C7: variants seen among roughly 807,000 people sequenced by gnomAD.
C7 encodes complement C7, also known as complement component C7.
Under a neutral mutation model 104.8 loss-of-function variants are expected in C7, and 83 were observed. The observed-to-expected ratio is 0.79, with a 90% CI of 0.66 to 0.95. C7 has a LOEUF of 0.95. Ranked by LOEUF, C7 falls within the 40% of genes least tolerant of loss-of-function variation. The pLI is 0.00. For synonymous variants in C7, 415 were observed against 360.6 expected (o/e 1.15, Z -1.71); for missense variants, 1,070 against 1,011.2 (o/e 1.06, Z -0.79).
chr5:40,982,741 C>T lies in C7; in HGVS notation c.*1168C>T, dbSNP rs1448513737. 6.6e-6 allele frequency: 1 copy of T among 152,260 alleles called. No homozygotes were observed. Among genetic ancestry groups the T allele is most frequent in the Non-Finnish European group, 1.5e-5 (1 of 68,032 alleles). The allele number at this position is 152,260 out of a possible 1,614,324, so 9.4% of individuals were successfully genotyped here. A position where few individuals can be genotyped will look rare whatever the true frequency, so the allele number is the denominator to read the frequency against. On this transcript the variant is annotated 3_prime_UTR_variant, in exon 18 of 18. Transcript: ENST00000313164. ...CAGGTAGATTAGTTTGAAGCATTGA[C>T]CTTTTATTTATTCCTTATTTCTCTT...
intron 13 of C7, 98 bp from the exon 14 acceptor site, chr5:40,964,643 T>C: frequency 9.5e-7 from 1 of 1,057,782 alleles, no homozygotes; most frequent in South Asian, 1.5e-5. Context: ...GTAGCTTGCC[T>C]GATGATTATG....
At position 40,978,873 on chromosome 5, in the gene C7, A is replaced by ATTTTTTTTTTTTTTTTTTTTTTTTTTT. The variant is rs372551834; in HGVS notation, c.2166-828_2166-827insTTTTTTTTTTTTTTTTTTTTTTTTTTT. On this transcript the variant is annotated intron_variant, in intron 16 of 17. Transcript: ENST00000313164. ...GAGGAAGGTAACACATTTTATGGAA[A>ATTTTTTTTTTTTTTTTTTTTTTTTTTT]TTTTTTTTTTTTTTTTTTTTTTTTG... Among the ~76,000 whole-genome samples, 488 of 80,006 alleles carry ATTTTTTTTTTTTTTTTTTTTTTTTTTT rather than the reference A, an allele frequency of 6.1e-3. 33 individuals carry two copies. The highest frequency in any genetic ancestry group is 8.3e-3 in the Non-Finnish European group (332 of 40,124). 52.5% of individuals were successfully genotyped at this position (80,006 alleles called of 152,430 possible).
chr5:40,917,873 C>A (rs887258110), intron 1 of C7, among the ~76,000 whole-genome samples: 1 of 151,982 alleles, frequency 6.6e-6, no homozygotes, highest in African/African-American at 2.4e-5. Context: ...TATAGTAACA[C>A]TAAAATAACT....
chr5:40,940,240 G>A (rs1264520286), intron 6 of C7, among the ~76,000 whole-genome samples: 3 of 152,086 alleles, frequency 2.0e-5, no homozygotes, highest in Admixed American at 2.0e-4. Context: ...TTTTAGCATC[G>A]CGGTTTATCC....
At chr5:40,954,890 A>AAAAG (rs368047614) in intron 9 of C7, 10,996 of 267,374 alleles carry the variant, frequency 0.041, 808 homozygotes, top group East Asian at 0.17. Flanking sequence ...AAAAAAAAAA[A>AAAAG]AAAAAAAAAA....
chr5:40,919,141 TG>T (rs1421520166), intron 1 of C7, among the ~76,000 whole-genome samples: 60 of 141,158 alleles, frequency 4.3e-4, no homozygotes, highest in Non-Finnish European at 7.6e-5. Context: ...TTTTTTTTTT[TG>T]AGTTGGAGTC....
chr5:40,957,928 C>A (rs1051420665), intron 10 of C7, 105 bp from the exon 11 acceptor site: 5 of 663,930 alleles, frequency 7.5e-6, no homozygotes, highest in Non-Finnish European at 9.7e-6. Context: ...CAAACTTGCC[C>A]GTGGCTTTTG....
At chr5:40,964,977 T>C in intron 14 of C7, 104 bp downstream of exon 14, 3 of 1,295,790 alleles carry the variant, frequency 2.3e-6, no homozygotes, top group Non-Finnish European at 3.3e-6. Flanking sequence ...TTGGCCTTCC[T>C]TTCCTGTAAG....
intron 14 of C7, among the ~76,000 whole-genome samples, chr5:40,970,372 G>T (rs1384288525): frequency 1.3e-5 from 2 of 152,034 alleles, no homozygotes. Context: ...TATACTATGT[G>T]TGTTTTTTCT....
At chr5:40,914,293 T>G (rs556782880) in intron 1 of C7, among the ~76,000 whole-genome samples, 1 of 152,326 alleles carries the variant, frequency 6.6e-6, no homozygotes. Context: ...TTTGCCCACT[T>G]TTTAATGTTT....
At chr5:40,958,370 A>G in intron 11 of C7, 109 bp downstream of exon 11, 1 of 629,470 alleles carries the variant, frequency 1.6e-6, no homozygotes, top group Non-Finnish European at 2.6e-6. Flanking sequence ...GAAGTCTCAA[A>G]TGAATTTAGA....
At chr5:40,917,613 A>G (rs1487977199) in intron 1 of C7, among the ~76,000 whole-genome samples, 1 of 152,200 alleles carries the variant, frequency 6.6e-6, no homozygotes, top group Non-Finnish European at 1.5e-5. Flanking sequence ...TCTTTGATAT[A>G]CTGATTTCAT....
At chr5:40,948,241 T>G (rs1451069836) in intron 8 of C7, among the ~76,000 whole-genome samples, 1 of 91,722 alleles carries the variant, frequency 1.1e-5, no homozygotes, top group African/African-American at 4.8e-5. Context: ...TTTTTTACCC[T>G]CTCATTCTTT....
intron 10 of C7, among the ~76,000 whole-genome samples, chr5:40,957,044 G>A: frequency 6.6e-6 from 1 of 152,168 alleles, no homozygotes; most frequent in East Asian, 1.9e-4. Flanking sequence ...CACTATGCAG[G>A]TACAGGTACA....
chr5:40,951,925 G>A (rs780829720), intron 9 of C7, among the ~76,000 whole-genome samples: 2 of 152,296 alleles, frequency 1.3e-5, no homozygotes, highest in Non-Finnish European at 2.9e-5. Flanking sequence ...GCCAGGAATC[G>A]TTTTAGACAC....
At chr5:40,938,937 C>T (rs893416837) in intron 6 of C7, among the ~76,000 whole-genome samples, 1 of 152,180 alleles carries the variant, frequency 6.6e-6, no homozygotes, top group Non-Finnish European at 1.5e-5. Context: ...AAAACACTTC[C>T]ACAGCCTCAA....
intron 2 of C7, among the ~76,000 whole-genome samples, chr5:40,930,426 A>G (rs777467865): frequency 2.0e-5 from 3 of 151,722 alleles, no homozygotes; most frequent in Middle Eastern, 3.4e-3. Context: ...TGTTGGTCTC[A>G]AACTCCTGAT....
At chr5:40,962,219 A>G (rs776045894) in intron 13 of C7, 47 bp downstream of exon 13, 22 of 1,121,392 alleles carry the variant, frequency 2.0e-5, no homozygotes, top group Middle Eastern at 2.0e-4. Flanking sequence ...TCTAACTTCT[A>G]TCTCTCTGCT....
intron 6 of C7, among the ~76,000 whole-genome samples, chr5:40,940,883 C>T (rs946714058): frequency 2.0e-5 from 3 of 152,120 alleles, no homozygotes; most frequent in African/African-American, 7.2e-5. Context: ...CTTTAGAAGT[C>T]TGGCTCCAAA....
Sources: gnomAD v4.1 joint callset for allele counts (sites outside exome capture counted in the v4.1 genomes callset) on GRCh38, gnomAD v4.1.1 for gene constraint, MANE v1.5 for transcripts, NCBI Gene and HGNC (gene_info 2026-07-23, HGNC 2026-07-21) for gene names.